SAMSN1: variants seen among roughly 807,000 people sequenced by gnomAD.
SAMSN1 encodes SAM domain-containing protein SAMSN-1.
SAMSN1 carries 31 observed loss-of-function variants against 42.0 expected under a neutral mutation model. The ratio of observed to expected loss-of-function variants is 0.74; its 90% CI spans 0.55 to 1.00. The LOEUF is 1.00. Ranked by LOEUF, SAMSN1 falls within the 50% of genes least tolerant of loss-of-function variation. The pLI, the probability that SAMSN1 is intolerant of heterozygous loss-of-function variation, is 0.00. For missense variants in SAMSN1, 464 were observed against 439.4 expected (o/e 1.06, Z -0.50); for synonymous variants, 178 against 151.9 (o/e 1.17, Z -1.26).
chr21:14,563,879 A>G (rs1322535551), intron 2 of SAMSN1, among the ~76,000 whole-genome samples: 1 of 152,130 alleles, frequency 6.6e-6, no homozygotes, highest in Admixed American at 6.6e-5. Context: ...TGGTAGAATA[A>G]CCTAAGTAGG....
At chr21:14,586,262 C>CAAAAAAAAAAAAAAAAAA (rs67482796), upstream of SAMSN1, among the ~76,000 whole-genome samples, 5 of 50,610 alleles carry the variant, frequency 9.9e-5, no homozygotes, top group East Asian at 4.9e-4. Context: ...GACTCCATCT[C>CAAAAAAAAAAAAAAAAAA]AAAAAAAAAA....
chr21:14,510,190 A>G, intron 5 of SAMSN1, 120 bp downstream of exon 5: 6 of 941,154 alleles, frequency 6.4e-6, no homozygotes, highest in Non-Finnish European at 9.9e-6. Flanking sequence ...GCTAGCCTCC[A>G]CTTCTACTGT....
At chr21:14,523,712 A>T (rs947506370) in intron 1 of SAMSN1, among the ~76,000 whole-genome samples, 1 of 152,202 alleles carries the variant, frequency 6.6e-6, no homozygotes, top group Non-Finnish European at 1.5e-5. Flanking sequence ...TTAAATATTA[A>T]TGAGAGTAAG....
chr21:14,620,112 G>T (rs1006001300), intron 2 of SAMSN1, among the ~76,000 whole-genome samples: 4 of 152,148 alleles, frequency 2.6e-5, no homozygotes, highest in African/African-American at 9.7e-5. Flanking sequence ...TCCACTTTAG[G>T]AGAGAAGGGG....
chr21:14,495,715 C>A lies in SAMSN1; in HGVS notation c.919+2727G>T, dbSNP rs373708667. ...CTTTTTTATATCAAACATCAAAAACCATTTAATGCTTTGGAGACACTATGT... is the reference window on the plus strand; with the variant it reads ...CTTTTTTATATCAAACATCAAAAACAATTTAATGCTTTGGAGACACTATGT... On this transcript the variant is annotated intron_variant, in intron 7 of 7. Transcript: ENST00000400566. 8.5e-5 allele frequency: 13 copies of A among 152,194 alleles called. 1 individual carries two copies. Among genetic ancestry groups the A allele is most frequent in the Admixed American group, 2.6e-4 (4 of 15,294 alleles). The allele number at this position is 152,194 out of a possible 1,614,324, so 9.4% of individuals were successfully genotyped here. A position where few individuals can be genotyped will look rare whatever the true frequency, so the allele number is the denominator to read the frequency against.
chr21:14,545,581 A>T (rs1243855903), intron 1 of SAMSN1, among the ~76,000 whole-genome samples: 1 of 152,082 alleles, frequency 6.6e-6, no homozygotes, highest in South Asian at 2.1e-4. Flanking sequence ...CAAAGAACAG[A>T]GTAACATTCC....
At chr21:14,650,524 C>T (rs1983814915) in intron 1 of SAMSN1, among the ~76,000 whole-genome samples, 1 of 152,014 alleles carries the variant, frequency 6.6e-6, no homozygotes, top group South Asian at 2.1e-4. Flanking sequence ...CTATGGGATA[C>T]ACCAAAGGCA....
upstream of SAMSN1, among the ~76,000 whole-genome samples, chr21:14,587,392 G>T (rs1267448809): frequency 6.6e-6 from 1 of 152,054 alleles, no homozygotes; most frequent in Non-Finnish European, 1.5e-5. Context: ...ATTCAGCAAT[G>T]TTGACCACAG....
chr21:14,628,421 G>T (rs963943986), intron 2 of SAMSN1, among the ~76,000 whole-genome samples: 9 of 151,664 alleles, frequency 5.9e-5, no homozygotes, highest in African/African-American at 2.2e-4. Flanking sequence ...ACTAAAATAT[G>T]AAATAATAAA....
In SAMSN1 at chr21:14,508,500, A is replaced by G. The variant is rs929215931; in HGVS notation, c.561+1810T>C. Among the ~76,000 whole-genome samples, 4 of 152,210 alleles carry G rather than the reference A, an allele frequency of 2.6e-5. No homozygotes were observed. The East Asian group carries it at 7.7e-4, about 29-fold the overall frequency. ...TGAGGGAAATGCAAATCAAAACCAC[A>G]ATGTGATACCAGCTTACCCCTGCAA... is the stretch of plus-strand genomic sequence containing the variant. On this transcript the variant is annotated intron_variant, in intron 5 of 7. Coordinates refer to ENST00000400566, the MANE Select transcript of SAMSN1 (RefSeq NM_022136.5).
At chr21:14,507,173 T>C (rs1471456528) in intron 5 of SAMSN1, among the ~76,000 whole-genome samples, 1 of 152,146 alleles carries the variant, frequency 6.6e-6, no homozygotes, top group African/African-American at 2.4e-5. Context: ...TTCAACACAG[T>C]ACTGGAAGTC....
At position 14,510,377 on chromosome 21, in the gene SAMSN1, C is replaced by T; in HGVS notation, c.494G>A (p.Cys165Tyr). ...DDDGPYSGPFCGRARVHTDFT... is the reference protein window; with the variant it reads ...DDDGPYSGPFYGRARVHTDFT... ...ATCCGTATGCACTCTGGCACGGCCA[C>T]AGAATGGTCCTGAATAGGGGCCATC... is the stretch of plus-strand genomic sequence containing the variant. The change falls in exon 5 of 8, where the codon TGT (cysteine) becomes TAT (tyrosine). Residue 165 changes from cysteine to tyrosine, a missense_variant. Physicochemically the swap from Cys to Tyr is radical, Grantham distance 194. Transcript: ENST00000400566. 1 of 1,614,180 alleles carries T rather than the reference C, an allele frequency of 6.2e-7. No individual in the cohort carries two copies. Among genetic ancestry groups the T allele is most frequent in the Non-Finnish European group, 8.5e-7 (1 of 1,180,022 alleles).
intron 1 of SAMSN1, among the ~76,000 whole-genome samples, chr21:14,531,517 A>T (rs753886698): frequency 3.3e-5 from 5 of 151,946 alleles, no homozygotes; most frequent in Non-Finnish European, 7.4e-5. Context: ...AATCTCAAAA[A>T]TTTTTTATTA....
At chr21:14,641,075 G>T (rs562192534) in intron 2 of SAMSN1, among the ~76,000 whole-genome samples, 29 of 151,996 alleles carry the variant, frequency 1.9e-4, no homozygotes, top group Non-Finnish European at 3.5e-4. Context: ...CTTTTTAATT[G>T]TGGGGTGAAA....
Position 14,536,069 on chromosome 21 carries a change from G to A in SAMSN1, c.57+10136C>T, listed in dbSNP as rs561264077. The stretch of plus-strand genomic sequence containing the variant: ...TATTAGTAATCAATTCTTAATGGAG[G>A]ACATTTTTGTTTTCTACTAAGAAGC... On this transcript the variant is annotated intron_variant, in intron 1 of 7. Transcript: ENST00000400566. Among the ~76,000 whole-genome samples, 21 of 152,276 alleles carry A rather than the reference G, an allele frequency of 1.4e-4. 1 individual carries two copies. The highest frequency in any genetic ancestry group is 5.1e-4 in the African/African-American group (21 of 41,530).
chr21:14,575,513 C>G (rs1444590816), intron 2 of SAMSN1, among the ~76,000 whole-genome samples: 1 of 152,104 alleles, frequency 6.6e-6, no homozygotes, highest in Non-Finnish European at 1.5e-5. Flanking sequence ...AACTTTTTAC[C>G]TTTCCATCCC....
chr21:14,577,124 C>T (rs1462856627), intron 2 of SAMSN1, among the ~76,000 whole-genome samples: 3 of 122,570 alleles, frequency 2.4e-5, no homozygotes, highest in Non-Finnish European at 4.8e-5. Flanking sequence ...CGTGCAATCT[C>T]GGCTCATTGC....
chr21:14,574,285 A>G (rs1981392733), intron 2 of SAMSN1, among the ~76,000 whole-genome samples: 1 of 152,244 alleles, frequency 6.6e-6, no homozygotes, highest in South Asian at 2.1e-4. Context: ...AAATGTAGTT[A>G]TACTTGATTA....
At chr21:14,617,309 A>G (rs1982864944) in intron 2 of SAMSN1, among the ~76,000 whole-genome samples, 1 of 152,156 alleles carries the variant, frequency 6.6e-6, no homozygotes, top group Admixed American at 6.5e-5. Context: ...AAAAGTATGC[A>G]ATCTCTATTC....
Sources: allele counts gnomAD v4.1 joint callset (sites outside exome capture counted in the v4.1 genomes callset), GRCh38; gene constraint gnomAD v4.1.1; transcripts MANE v1.5; gene names NCBI Gene and HGNC (gene_info 2026-07-23, HGNC 2026-07-21).